Variants in TCEAL4 observed in about 807,000 individuals in gnomAD.
The protein encoded by TCEAL4 is transcription elongation factor A protein-like 4.
TCEAL4 carries 1 observed loss-of-function variant against 1.3 expected under a neutral mutation model. The ratio of observed to expected loss-of-function variants is 0.79; its 90% CI spans 0.28 to 3.76. The LOEUF (loss-of-function observed/expected upper bound fraction) is 3.76, where lower values mean the gene tolerates loss of function less well. TCEAL4 is among the 30% of genes most tolerant of loss of function. The pLI is 0.18. For synonymous variants in TCEAL4, 54 were observed against 50.7 expected (o/e 1.06, Z -0.28); for missense variants, 129 against 154.7 (o/e 0.83, Z 0.88).
At chrX:103,582,564 G>T (rs2073512968), upstream of TCEAL4, among the ~76,000 whole-genome samples, 1 of 111,468 alleles carries the variant, frequency 9.0e-6, no homozygotes, top group African/African-American at 3.3e-5. Flanking sequence ...CAGACATATA[G>T]ACTAACAGAA....
chrX:103,578,180 C>T (rs2073492647), intron 2 of TCEAL4, among the ~76,000 whole-genome samples: 1 of 112,147 alleles, frequency 8.9e-6, no homozygotes, highest in Admixed American at 9.5e-5. Flanking sequence ...GCACTTTGTT[C>T]CATTTTTTTG....
upstream of TCEAL4, chrX:103,585,471 G>T: frequency 9.1e-7 from 1 of 1,092,925 alleles, no homozygotes; most frequent in Admixed American, 3.1e-5. Context: ...AGGAGGCGGG[G>T]CGTGGGGCGG....
chrX:103,582,790 A>C (rs1193502964), upstream of TCEAL4, among the ~76,000 whole-genome samples: 2 of 53,222 alleles, frequency 3.8e-5, no homozygotes, highest in African/African-American at 1.5e-4. Flanking sequence ...GTAAAACCCA[A>C]AACTACAAAA....
chrX:103,586,105 G>T, intron 1 of TCEAL4, 114 bp from the exon 2 acceptor site: 1 of 1,105,338 alleles, frequency 9.0e-7, no homozygotes, highest in Non-Finnish European at 1.2e-6. Context: ...GGGTGCGGCG[G>T]AGGTAGGGGA....
In TCEAL4 at chrX:103,587,295, G is replaced by A. The variant is rs769153116; in HGVS notation, c.620G>A (p.Arg207Lys). Reference sequence around the variant, plus strand: ...AGGGGTGGCTGCAGGGCCCCACGAAGGGACATTGAAGACATTCCTTATGTG... The same window carrying A: ...AGGGGTGGCTGCAGGGCCCCACGAAAGGACATTGAAGACATTCCTTATGTG... ...EFRGGCRAPRRDIEDIPYV is the reference protein window; with the variant it reads ...EFRGGCRAPRKDIEDIPYV The change falls in exon 3 of 3, where the codon AGG (arginine) becomes AAG (lysine). Residue 207 changes from arginine to lysine, a missense_variant. Arg to Lys is a conservative substitution (Grantham distance 26). Around this residue, in one of 2 missense-constraint regions of TCEAL4, gnomAD observed 13 missense variants for 34.4 expected, o/e 0.38. Transcript: ENST00000472484. The A allele has an allele frequency of 8.4e-7, 1 of 1,186,346 alleles. No individual in the cohort carries two copies. The highest frequency in any genetic ancestry group is 2.4e-5 in the Admixed American group (1 of 41,441).
chrX:103,584,226 C>A (rs5987546), upstream of TCEAL4, among the ~76,000 whole-genome samples: 40,387 of 110,299 alleles, frequency 0.37, 6,364 homozygotes, highest in Middle Eastern at 0.53. Flanking sequence ...CCGTGCCTGG[C>A]CGATATTTTT....
rs1270808083 is a variant in TCEAL4 at position 103,587,122 on chromosome X, T to G, written c.447T>G (p.Asn149Lys). The G allele has an allele frequency of 1.7e-6, 2 of 1,209,319 alleles. No homozygotes were observed. Among genetic ancestry groups the G allele is most frequent in the African/African-American group, 3.5e-5 (2 of 56,948 alleles). Reference protein sequence around the residue: ...KEYKEAIHDMNFSNEDMIREF... With the variant: ...KEYKEAIHDMKFSNEDMIREF... Reference sequence around the variant, plus strand: ...ATAAAGAGGCCATACATGATATGAATTTCAGCAATGAGGACATGATAAGAG... The same window carrying G: ...ATAAAGAGGCCATACATGATATGAAGTTCAGCAATGAGGACATGATAAGAG... The change falls in exon 3 of 3, where the codon AAT (asparagine) becomes AAG (lysine). Residue 149 changes from asparagine (N) to lysine (K), a missense_variant. Asn to Lys is a moderately conservative substitution (Grantham distance 94). This residue lies in a region of TCEAL4 where 116 missense variants were observed against 120.3 expected (regional missense o/e 0.96). Coordinates refer to ENST00000472484, the MANE Select transcript of TCEAL4 (RefSeq NM_001006935.3).
Position 103,587,042 on chromosome X carries a change from C to T in TCEAL4, c.367C>T (p.Pro123Ser). Residue 123 changes from proline to serine, a missense_variant, in exon 3 of 3, where the codon CCC (proline) becomes TCC (serine). Transcript: ENST00000472484. ...AGKRPAEDDV[P>S]RKAKRKTNKG... ...AAAGCGCCCAGCTGAGGATGATGTA[C>T]CCAGGAAAGCCAAAAGAAAAACTAA... 6.6e-6 allele frequency: 8 copies of T among 1,210,772 alleles called. No homozygotes were observed. The highest frequency in any genetic ancestry group is 8.9e-6 in the Non-Finnish European group (8 of 895,365).
exon 1 of TCEAL4, chrX:103,576,516 C>T (rs780540595): frequency 6.2e-6 from 7 of 1,130,902 alleles, no homozygotes; most frequent in South Asian, 1.9e-5. Flanking sequence ...GTAATCCCAG[C>T]GTTTTGGGAG....
intron 2 of TCEAL4, among the ~76,000 whole-genome samples, chrX:103,580,160 C>T (rs1436663314): frequency 8.9e-6 from 1 of 111,761 alleles, no homozygotes; most frequent in Admixed American, 9.5e-5. Flanking sequence ...CTTTGTGTCC[C>T]GCCACACATA....
intron 2 of TCEAL4, among the ~76,000 whole-genome samples, chrX:103,578,949 T>C (rs1257539768): frequency 8.9e-6 from 1 of 112,528 alleles, no homozygotes; most frequent in Non-Finnish European, 1.9e-5. Context: ...AGTTTTCTTC[T>C]AAGAATTTGA....
rs779249856 is a variant in TCEAL4, at chrX:103,587,340, T to G, written c.*17T>G. On this transcript the variant is annotated 3_prime_UTR_variant, in exon 3 of 3. Coordinates refer to ENST00000472484, the MANE Select transcript of TCEAL4 (RefSeq NM_001006935.3). ...TATGTGTAGTGTCCCTGGCAGGCAT[T>G]TACCAGGCCATGTGCTTTAACGTTA... is the stretch of plus-strand genomic sequence containing the variant. 18 of 1,154,501 alleles carry G rather than the reference T, an allele frequency of 1.6e-5. No individual in the cohort carries two copies. Among genetic ancestry groups the G allele is most frequent in the Non-Finnish European group, 2.1e-5 (18 of 872,044 alleles).
At chrX:103,581,789 C>A (rs764697475), upstream of TCEAL4, among the ~76,000 whole-genome samples, 1 of 111,746 alleles carries the variant, frequency 8.9e-6, no homozygotes, top group Non-Finnish European at 1.9e-5. Context: ...CAATATCAGA[C>A]TGAATGGGCA....
chrX:103,584,366 T>C (rs6621699), upstream of TCEAL4, among the ~76,000 whole-genome samples: 32,848 of 111,371 alleles, frequency 0.29, 4,193 homozygotes, highest in East Asian at 0.52. Flanking sequence ...ATCTAATCTA[T>C]CAGCATTTGT....
At chrX:103,585,865 C>T in intron 1 of TCEAL4, 1 of 1,050,610 alleles carries the variant, frequency 9.5e-7, no homozygotes. Context: ...CCAGGCACAT[C>T]CTCTTCTCTG....
At chrX:103,579,034 A>G (rs60656018) in intron 2 of TCEAL4, among the ~76,000 whole-genome samples, 2,215 of 112,198 alleles carry the variant, frequency 0.02, 55 homozygotes, top group African/African-American at 0.069. Flanking sequence ...AGAGGCCCAA[A>G]TTCATTTTTT....
At chrX:103,579,539 G>A (rs1277193450) in intron 2 of TCEAL4, among the ~76,000 whole-genome samples, 2 of 111,943 alleles carry the variant, frequency 1.8e-5, no homozygotes, top group Non-Finnish European at 3.8e-5. Context: ...GCTATTTTAA[G>A]TGGAATTGTT....
chrX:103,586,591 G>A, intron 2 of TCEAL4, 58 bp from the exon 3 acceptor site: 1 of 1,141,026 alleles, frequency 8.8e-7, no homozygotes. Context: ...TCCACCCCAT[G>A]CACTCAGTCT....
At chrX:103,577,038 C>G in intron 1 of TCEAL4, 1 of 1,135,839 alleles carries the variant, frequency 8.8e-7, no homozygotes, top group East Asian at 3.3e-5. Context: ...TTGACCTAAC[C>G]TCAAAAGTCA....
Sources: gnomAD v4.1 joint callset for allele counts (sites outside exome capture counted in the v4.1 genomes callset) on GRCh38, gnomAD v4.1.1 for gene constraint, gnomAD v4.1.1 regional missense constraint, MANE v1.5 for transcripts, NCBI Gene and HGNC (gene_info 2026-07-23, HGNC 2026-07-21) for gene names.